Variants in SMC4 observed in about 807,000 individuals in gnomAD.
SMC4 encodes the protein structural maintenance of chromosomes 4.
A neutral mutation model predicts 145.6 loss-of-function variants in SMC4; 87 were observed. The ratio of observed to expected loss-of-function variants is 0.60; its 90% CI spans 0.50 to 0.71. The LOEUF (loss-of-function observed/expected upper bound fraction) is 0.71, where lower values mean the gene tolerates loss of function less well. Ranked by LOEUF, SMC4 falls within the 30% of genes least tolerant of loss-of-function variation. The probability of loss-of-function intolerance (pLI) is 0.00; values close to 1 mark genes in which losing one functional copy is unlikely to be tolerated. For synonymous variants in SMC4, 558 were observed against 500.7 expected, an observed-to-expected ratio of 1.11 and a Z score of -1.53; for missense variants, 1,447 against 1,537.1, an observed-to-expected ratio of 0.94 and a Z score of 0.98.
rs61996339 is a variant in SMC4, at chr3:160,402,813, C to G, written c.456C>G (p.His152Gln). The G allele has an allele frequency of 2.0e-4, 315 of 1,605,574 alleles. 1 individual carries two copies. Among genetic ancestry groups the G allele is most frequent in the Non-Finnish European group, 2.1e-4 (243 of 1,177,930 alleles). Residue 152 changes from histidine (H) to glutamine (Q), a missense_variant, in exon 4 of 24, where the codon CAC becomes CAG. Physicochemically the swap from His to Gln is conservative, Grantham distance 24. Coordinates refer to ENST00000357388, the MANE Select transcript of SMC4 (RefSeq NM_001002800.3). ...LSVLIHNSDE[H>Q]KDIQSCTVEV... ...TATTAATACATAATTCTGATGAACA[C>G]AAGGACATTCAGAGTTGTACAGTAG...
intron 13 of SMC4, among the ~76,000 whole-genome samples, chr3:160,421,501 T>G (rs1390971683): frequency 6.6e-6 from 1 of 152,086 alleles, no homozygotes; most frequent in Non-Finnish European, 1.5e-5. Context: ...ATCCCAGCAC[T>G]TTGGGAGGCC....
chr3:160,421,346 T>C (rs144310818), intron 13 of SMC4, among the ~76,000 whole-genome samples: 223 of 152,334 alleles, frequency 1.5e-3, no homozygotes, highest in African/African-American at 5.1e-3. Flanking sequence ...TCTGGGGTTA[T>C]ATGATTATAA....
chr3:160,420,729 T>A lies in SMC4; in HGVS notation c.1858-11T>A. 1 of 1,611,434 alleles carries A rather than the reference T, an allele frequency of 6.2e-7. No homozygotes were observed. Among genetic ancestry groups the A allele is most frequent in the Non-Finnish European group, 8.5e-7 (1 of 1,179,290 alleles). The stretch of plus-strand genomic sequence containing the variant: ...GCCTAACTCTTTTTTCACCCCACTC[T>A]TCATTATTAGGGGGACTTAGGAGCC... On this transcript the variant is annotated splice_polypyrimidine_tract_variant and intron_variant, in intron 12 of 23. Transcript: ENST00000357388.
chr3:160,401,231 CACAA>C (rs1277458903), intron 2 of SMC4, among the ~76,000 whole-genome samples: 1 of 151,664 alleles, frequency 6.6e-6, no homozygotes, highest in Non-Finnish European at 1.5e-5. Flanking sequence ...TGGTACAGGT[CACAA>C]ACAAAAATTC....
At chr3:160,419,610 G>C in intron 12 of SMC4, 67 bp downstream of exon 12, 1 of 1,438,500 alleles carries the variant, frequency 7.0e-7, no homozygotes, top group South Asian at 1.3e-5. Context: ...TTATTTTTTT[G>C]CCTTGACAAC....
intron 10 of SMC4, chr3:160,416,656 G>T: frequency 7.9e-6 from 2 of 252,868 alleles, no homozygotes; most frequent in Non-Finnish European, 1.5e-5. Flanking sequence ...GTCAAATACA[G>T]TACCTTGATT....
At chr3:160,415,930 CAG>C (rs1296056562) in intron 9 of SMC4, among the ~76,000 whole-genome samples, 2 of 152,238 alleles carry the variant, frequency 1.3e-5, no homozygotes, top group East Asian at 3.9e-4. Flanking sequence ...TCCGTGTAGT[CAG>C]AGCATATTTA....
chr3:160,428,944 T>C lies in SMC4; in HGVS notation c.2795+2T>C. 1 of 1,580,416 alleles carries C rather than the reference T, an allele frequency of 6.3e-7. No homozygotes were observed. Among genetic ancestry groups the C allele is most frequent in the South Asian group, 1.2e-5 (1 of 84,898 alleles). ...AGTAGCAATCAAGACTGCTGACAGG[T>C]AGAGTATGCATGTTACCCTAACTTG... On this transcript the variant is annotated splice_donor_variant, in intron 18 of 23. Transcript: ENST00000357388. LOFTEE classifies it high-confidence loss of function.
intron 5 of SMC4, among the ~76,000 whole-genome samples, chr3:160,407,439 C>G (rs1337962622): frequency 1.3e-5 from 2 of 152,068 alleles, no homozygotes; most frequent in South Asian, 4.1e-4. Flanking sequence ...TATAGTCCCA[C>G]CTACTCAGGA....
At chr3:160,403,421 A>G (rs1714935125) in intron 4 of SMC4, among the ~76,000 whole-genome samples, 1 of 152,130 alleles carries the variant, frequency 6.6e-6, no homozygotes, top group South Asian at 2.1e-4. Context: ...TGTCTAGATT[A>G]TTTACCTGTT....
At chr3:160,424,362 T>C (rs1717534559) in intron 15 of SMC4, among the ~76,000 whole-genome samples, 1 of 152,214 alleles carries the variant, frequency 6.6e-6, no homozygotes, top group South Asian at 2.1e-4. Flanking sequence ...GCTTAAGTAT[T>C]TGAATGCTGT....
chr3:160,407,507 C>T (rs1426024955), intron 5 of SMC4, among the ~76,000 whole-genome samples: 2 of 151,910 alleles, frequency 1.3e-5, no homozygotes, highest in East Asian at 1.9e-4. Context: ...GAGCCAACAT[C>T]GTACCACTGC....
rs556083026 is a variant in SMC4, at chr3:160,434,880, C to G, written c.*1071C>G. 18 of 152,218 alleles carry G rather than the reference C, an allele frequency of 1.2e-4. No homozygotes were observed. The South Asian group carries it at 3.5e-3, about 30-fold the overall frequency. 9.4% of individuals were successfully genotyped at this position (152,218 alleles called of 1,614,324 possible). A position where few individuals can be genotyped will look rare whatever the true frequency, so the allele number is the denominator to read the frequency against. ...AGATATTTAAAAAATCCAACAGTTT[C>G]TATCATAATGTAACTGTAAAAATGT... On this transcript the variant is annotated 3_prime_UTR_variant, in exon 24 of 24. Coordinates refer to ENST00000357388, the MANE Select transcript of SMC4 (RefSeq NM_001002800.3).
At chr3:160,427,719 T>C (rs962933947) in intron 17 of SMC4, among the ~76,000 whole-genome samples, 10 of 152,224 alleles carry the variant, frequency 6.6e-5, no homozygotes, top group Admixed American at 5.9e-4. Context: ...TTTTCAACTA[T>C]TGAACATATT....
At chr3:160,415,034 C>G (rs950348479) in intron 9 of SMC4, among the ~76,000 whole-genome samples, 4 of 152,110 alleles carry the variant, frequency 2.6e-5, no homozygotes, top group Non-Finnish European at 5.9e-5. Flanking sequence ...TGCCTGTCTT[C>G]TACAAAAACT....
At chr3:160,409,429 C>A (rs1715739332) in intron 5 of SMC4, among the ~76,000 whole-genome samples, 1 of 151,742 alleles carries the variant, frequency 6.6e-6, no homozygotes, top group African/African-American at 2.4e-5. Flanking sequence ...GAGGAACAAA[C>A]AACCAAAAAT....
In SMC4 at chr3:160,412,686, AC is replaced by A. The variant is rs1268215766; in HGVS notation, c.980+237del. 8 of 819,748 alleles carry A rather than the reference AC, an allele frequency of 9.8e-6. No homozygotes were observed. In the South Asian group the frequency reaches 1.8e-4, roughly 18 times the overall value. 50.8% of individuals were successfully genotyped at this position (819,748 alleles called of 1,614,324 possible). On this transcript the variant is annotated intron_variant, in intron 7 of 23. Coordinates refer to ENST00000357388, the MANE Select transcript of SMC4 (RefSeq NM_001002800.3). The stretch of plus-strand genomic sequence containing the variant: ...AGACCAGCCTGGGCAACATAGCAAG[AC>A]CCCATCTCTACAAAAAAAGGAATTA...
chr3:160,405,866 C>G (rs553640086), intron 5 of SMC4, among the ~76,000 whole-genome samples: 3 of 152,080 alleles, frequency 2.0e-5, no homozygotes, highest in Admixed American at 2.0e-4. Context: ...CTATATAATA[C>G]TAAATTTGAT....
At chr3:160,432,221 C>T in intron 21 of SMC4, 62 bp from the exon 22 acceptor site, 2 of 1,248,698 alleles carry the variant, frequency 1.6e-6, no homozygotes, top group Middle Eastern at 2.0e-4. Flanking sequence ...TAATAATTAA[C>T]AATGCTAATT....
Sources: gnomAD v4.1 joint callset for allele counts (sites outside exome capture counted in the v4.1 genomes callset) on GRCh38, gnomAD v4.1.1 for gene constraint, MANE v1.5 for transcripts, NCBI Gene and HGNC (gene_info 2026-07-23, HGNC 2026-07-21) for gene names.